Variants in NOP14 observed in about 807,000 individuals in gnomAD.
The protein encoded by NOP14 is NOP14 nucleolar protein.
NOP14 carries 57 observed loss-of-function variants against 101.6 expected under a neutral mutation model. That is an observed-to-expected ratio of 0.56 (90% CI 0.45 to 0.70). NOP14 has a LOEUF of 0.70. Among genes scored for constraint, NOP14 ranks in the 30% least tolerant of loss-of-function variants. The pLI is 0.00. For missense variants in NOP14, 1,134 were observed against 1,075.5 expected (o/e 1.05, Z -0.76); for synonymous variants, 428 against 424.0 (o/e 1.01, Z -0.12).
intron 11 of NOP14, 49 bp downstream of exon 11, chr4:2,946,363 A>G: frequency 1.9e-6 from 3 of 1,608,640 alleles, no homozygotes; most frequent in Non-Finnish European, 2.6e-6. Context: ...CTGTGATGCC[A>G]AACAGAACTT....
At chr4:2,958,043 G>T (rs895243678) in intron 1 of NOP14, among the ~76,000 whole-genome samples, 4 of 152,150 alleles carry the variant, frequency 2.6e-5, no homozygotes, top group African/African-American at 9.7e-5. Context: ...TCCCTCGGCT[G>T]TAACAGCTGC....
chr4:2,962,661 TA>T lies in NOP14; in HGVS notation c.195+463del, dbSNP rs79391581. On this transcript the variant is annotated intron_variant, in intron 1 of 17. Transcript: ENST00000416614. ...TAATGTATGTTCCTCAGTGAAAATTTAAAAAAAAAAAAGTTAAAAAAACTAG... is the reference window on the plus strand; with the variant it reads ...TAATGTATGTTCCTCAGTGAAAATTTAAAAAAAAAAAGTTAAAAAAACTAG... Among the ~76,000 whole-genome samples, 849 of 147,614 alleles carry T rather than the reference TA, an allele frequency of 5.8e-3. 6 individuals carry two copies. Among genetic ancestry groups the T allele is most frequent in the African/African-American group, 0.019 (774 of 40,102 alleles).
intron 10 of NOP14, chr4:2,946,932 A>C: frequency 3.8e-6 from 1 of 262,324 alleles, no homozygotes; most frequent in Non-Finnish European, 7.4e-6. Context: ...TCCGCGCGGC[A>C]CAGGGCAGGA....
chr4:2,950,007 AG>A lies in NOP14; in HGVS notation c.1208del (p.Pro403LeufsTer5). ...CCTTGCCGCTTATCAACCCTTTCCCAGGAGTCTGCCTCTGCTCTTTTGCTGG... is the reference window on the plus strand; with the variant it reads ...CCTTGCCGCTTATCAACCCTTTCCCAGAGTCTGCCTCTGCTCTTTTGCTGG... Reference protein sequence around the residue: ...EKPAKEQRQTPGKGLISGKER... With the variant: ...EKPAKEQRQTXGKGLISGKER... On this transcript the variant is annotated frameshift_variant, in exon 8 of 18. Transcript: ENST00000416614. LOFTEE classifies it high-confidence loss of function. The A allele has an allele frequency of 6.2e-7, 1 of 1,614,062 alleles. No individual in the cohort carries two copies. The highest frequency in any genetic ancestry group is 1.6e-4 in the Middle Eastern group (1 of 6,062).
In NOP14 at chr4:2,961,143, A is replaced by G. The variant is rs1388564763; in HGVS notation, c.195+1982T>C. ...TAATATTATAATAATATATTAATAT[A>G]CTAATATAATAATATATTAATATGC... On this transcript the variant is annotated intron_variant, in intron 1 of 17. Coordinates refer to ENST00000416614, the MANE Select transcript of NOP14 (RefSeq NM_001291978.2). 5.1e-3 allele frequency among the ~76,000 whole-genome samples: 221 copies of G among 43,086 alleles called. 7 individuals are homozygous for G. Among genetic ancestry groups the G allele is most frequent in the African/African-American group, 0.029 (198 of 6,750 alleles). 28.3% of individuals were successfully genotyped at this position (43,086 alleles called of 152,430 possible).
chr4:2,950,116 C>T lies in NOP14; in HGVS notation c.1100G>A (p.Gly367Glu), dbSNP rs1458361211. 6.2e-7 allele frequency: 1 copy of T among 1,614,204 alleles called. No homozygotes were observed. Among genetic ancestry groups the T allele is most frequent in the Non-Finnish European group, 8.5e-7 (1 of 1,180,036 alleles). Residue 367 changes from glycine (G) to glutamate (E), a missense_variant, in exon 8 of 18, where the codon GGG becomes GAG. Coordinates refer to ENST00000416614, the MANE Select transcript of NOP14 (RefSeq NM_001291978.2). ...GCTGTCGCTCTCCTCTGTGTCCTCC[C>T]CGCCTGAACTGTCACCTTCTTCCTC... The part of the protein sequence containing the change: ...SNEEEGDSSG[G>E]EDTEESDSPD...
At chr4:2,941,801 A>G in intron 14 of NOP14, 72 bp from the exon 15 acceptor site, 2 of 1,515,842 alleles carry the variant, frequency 1.3e-6, no homozygotes, top group South Asian at 2.4e-5. Flanking sequence ...AACGTGGCAA[A>G]AATGAACTTC....
intron 1 of NOP14, among the ~76,000 whole-genome samples, chr4:2,960,694 C>CATTAACATTATATTAATATTATAATT (rs1560310412): frequency 8.8e-6 from 1 of 113,972 alleles, no homozygotes; most frequent in African/African-American, 3.6e-5. Flanking sequence ...ATATTATAAT[C>CATTAACATTATATTAATATTATAATT]ACATTAATAT....
At chr4:2,959,622 A>C (rs910171275) in intron 1 of NOP14, among the ~76,000 whole-genome samples, 9 of 152,004 alleles carry the variant, frequency 5.9e-5, no homozygotes, top group African/African-American at 1.7e-4. Flanking sequence ...AAACACAAAC[A>C]AACCACCTTG....
chr4:2,940,097 T>C (rs964054496), intron 15 of NOP14, among the ~76,000 whole-genome samples: 2 of 152,256 alleles, frequency 1.3e-5, no homozygotes, highest in Admixed American at 1.3e-4. Context: ...TAGAGCCCAG[T>C]GTGCAAACTG....
intron 3 of NOP14, among the ~76,000 whole-genome samples, chr4:2,956,393 G>A (rs1259803242): frequency 2.0e-5 from 3 of 152,056 alleles, no homozygotes; most frequent in Non-Finnish European, 4.4e-5. Flanking sequence ...TGGGTAGAAC[G>A]AGCTATTTTG....
intron 1 of NOP14, among the ~76,000 whole-genome samples, chr4:2,960,854 C>T (rs56333630): frequency 2.5e-5 from 2 of 81,208 alleles, no homozygotes; most frequent in Middle Eastern, 7.9e-3. Context: ...ATCACATTAT[C>T]AATATATTAA....
chr4:2,939,139 C>G (rs781385371), intron 17 of NOP14, 49 bp downstream of exon 17: 1 of 1,609,438 alleles, frequency 6.2e-7, no homozygotes, highest in South Asian at 1.1e-5. Context: ...CACACAGCAC[C>G]AAAGCTGAGT....
At chr4:2,961,109 A>C (rs1284277262) in intron 1 of NOP14, among the ~76,000 whole-genome samples, 24 of 98,976 alleles carry the variant, frequency 2.4e-4, no homozygotes, top group African/African-American at 9.7e-4. Context: ...TAATATTTTA[A>C]TAATATATTA....
At position 2,946,370 on chromosome 4, in the gene NOP14, A is replaced by C. The variant is rs776427484; in HGVS notation, c.1635+42T>G. ...TCCACCTTCTGTGATGCCAAACAGA[A>C]CTTCTGTGGCAGGGGCAGTGCCTAG... On this transcript the variant is annotated intron_variant, in intron 11 of 17. Transcript: ENST00000416614. The C allele has an allele frequency of 3.1e-6, 5 of 1,610,252 alleles. No homozygotes were observed. The African/African-American group carries it at 6.7e-5, about 22-fold the overall frequency.
chr4:2,954,688 G>T, intron 3 of NOP14, 125 bp from the exon 4 acceptor site: 1 of 1,185,322 alleles, frequency 8.4e-7, no homozygotes, highest in Non-Finnish European at 1.2e-6. Flanking sequence ...AGAAAAAAAT[G>T]CTCACACGCA....
chr4:2,952,265 G>T lies in NOP14; in HGVS notation c.870+10C>A. On this transcript the variant is annotated intron_variant, in intron 6 of 17. Coordinates refer to ENST00000416614, the MANE Select transcript of NOP14 (RefSeq NM_001291978.2). ...AGCACAGCCCTGCTCCTGAGGTGCTGCCACCCTACCTCCAGCTTCCTGAGG... is the reference window on the plus strand; with the variant it reads ...AGCACAGCCCTGCTCCTGAGGTGCTTCCACCCTACCTCCAGCTTCCTGAGG... The T allele has an allele frequency of 6.2e-7, 1 of 1,612,610 alleles. No homozygotes were observed. The highest frequency in any genetic ancestry group is 8.5e-7 in the Non-Finnish European group (1 of 1,179,652).
chr4:2,941,455 T>C, intron 15 of NOP14, 127 bp downstream of exon 15: 1 of 819,662 alleles, frequency 1.2e-6, no homozygotes, highest in Non-Finnish European at 1.9e-6. Flanking sequence ...CCTTCATATT[T>C]GTGATTTTGC....
chr4:2,944,103 A>G lies in NOP14; in HGVS notation c.1861T>C (p.Tyr621His), dbSNP rs765252967. 6.2e-7 allele frequency: 1 copy of G among 1,613,088 alleles called. No homozygotes were observed. Among genetic ancestry groups the G allele is most frequent in the Non-Finnish European group, 8.5e-7 (1 of 1,179,596 alleles). ...ELINFLLGIL[Y>H]IATPNKASQG... is the part of the protein sequence containing the mutation. ...CTTGCTTTGTTTGGAGTTGCTATGT[A>G]AAGAATCCCAAGAAGAAAATTAATA... The change falls in exon 13 of 18, where the codon TAC becomes CAC. Residue 621 changes from tyrosine (Y) to histidine (H), a missense_variant. Coordinates refer to ENST00000416614, the MANE Select transcript of NOP14 (RefSeq NM_001291978.2).
Sources: gnomAD v4.1 joint callset for allele counts (sites outside exome capture counted in the v4.1 genomes callset) on GRCh38, gnomAD v4.1.1 for gene constraint, MANE v1.5 for transcripts, NCBI Gene and HGNC (gene_info 2026-07-23, HGNC 2026-07-21) for gene names.